CSK: variants seen among roughly 807,000 people sequenced by gnomAD.
CSK encodes tyrosine-protein kinase CSK.
Under a neutral mutation model 62.3 loss-of-function variants are expected in CSK, and 7 were observed. The ratio of observed to expected loss-of-function variants is 0.11; its 90% CI spans 0.06 to 0.21. CSK has a LOEUF of 0.21. Ranked by LOEUF, CSK falls within the 10% of genes least tolerant of loss-of-function variation. The probability of loss-of-function intolerance (pLI) is 1.00; values close to 1 mark genes in which losing one functional copy is unlikely to be tolerated. For missense variants in CSK, 294 were observed against 613.5 expected, an observed-to-expected ratio of 0.48 and a Z score of 5.50; for synonymous variants, 237 against 246.0, an observed-to-expected ratio of 0.96 and a Z score of 0.34.
intron 11 of CSK, 34 bp downstream of exon 11, chr15:74,801,924 G>A (rs1417812940): frequency 1.2e-6 from 2 of 1,609,184 alleles, no homozygotes; most frequent in East Asian, 4.5e-5. Flanking sequence ...CTACAGAGGT[G>A]GGCAGGAGTC....
chr15:74,796,152 A>T (rs1045834542), intron 1 of CSK, among the ~76,000 whole-genome samples: 1 of 152,088 alleles, frequency 6.6e-6, no homozygotes, highest in Admixed American at 6.6e-5. Flanking sequence ...TGGGAGGCGG[A>T]GGTAGTTGCA....
chr15:74,789,849 T>C (rs1031027139), intron 1 of CSK, among the ~76,000 whole-genome samples: 1 of 152,352 alleles, frequency 6.6e-6, no homozygotes, highest in South Asian at 2.1e-4. Context: ...AGGCCATGGC[T>C]GACCATCCAG....
chr15:74,801,030 C>T lies in CSK; in HGVS notation c.741C>T (p.Asn247=). Reference sequence around the variant, plus strand: ...GCCCCAGGCAACTGCGGCATAGCAACCTGGTGCAGCTCCTGGGCGTGATCG... The same window carrying T: ...GCCCCAGGCAACTGCGGCATAGCAATCTGGTGCAGCTCCTGGGCGTGATCG... The part of the protein sequence containing the change: ...ASVMTQLRHS[N]LVQLLGVIVE... The change falls in exon 9 of 13, where the codon AAC becomes AAT. Residue 247 remains asparagine (N), a synonymous_variant. Transcript: ENST00000220003. 6.2e-7 allele frequency: 1 copy of T among 1,613,420 alleles called. No homozygotes were observed. The highest frequency in any genetic ancestry group is 8.5e-7 in the Non-Finnish European group (1 of 1,180,020).
Position 74,798,854 on chromosome 15 carries a change from A to T in CSK, c.158A>T (p.Lys53Met). The change falls in exon 4 of 13, where the codon AAG becomes ATG. Residue 53 changes from lysine to methionine, a missense_variant. Around this residue, in one of 3 missense-constraint regions of CSK, gnomAD observed 202 missense variants for 415.7 expected, o/e 0.49. Coordinates refer to ENST00000220003, the MANE Select transcript of CSK (RefSeq NM_004383.3). This position sits in a 1 kb window ranked among gnomAD's most constrained non-coding sequence, Gnocchi z 6.6. ...KDPNWYKAKN[K>M]VGREGIIPAN... ...CCCAACTGGTACAAAGCCAAAAACA[A>T]GGTGGGCCGTGAGGGCATCATCCCA... The T allele has an allele frequency of 6.3e-7, 1 of 1,584,302 alleles. No homozygotes were observed. The highest frequency in any genetic ancestry group is 1.7e-4 in the Middle Eastern group (1 of 5,890).
At chr15:74,792,963 T>G (rs1381909889) in intron 1 of CSK, 1 of 152,250 alleles carries the variant, frequency 6.6e-6, no homozygotes, top group Admixed American at 6.5e-5. Context: ...GGGTTAACTA[T>G]AGTCCCATTG....
In CSK at chr15:74,796,018, G is replaced by C. The variant is rs372830649; in HGVS notation, c.-65-2215G>C. On this transcript the variant is annotated intron_variant, in intron 1 of 12. Coordinates refer to ENST00000220003, the MANE Select transcript of CSK (RefSeq NM_004383.3). ...GGATCACTTGAGGCCAGGAGTTCAA[G>C]ACCAGCATGGCCAATATGGTGAAAC... 1.3e-3 allele frequency among the ~76,000 whole-genome samples: 202 copies of C among 152,280 alleles called. 1 individual carries two copies. The highest frequency in any genetic ancestry group is 5.6e-3 in the East Asian group (29 of 5,178).
chr15:74,785,703 G>A (rs2063504852), intron 1 of CSK, among the ~76,000 whole-genome samples: 1 of 152,150 alleles, frequency 6.6e-6, no homozygotes, highest in South Asian at 2.1e-4. Flanking sequence ...TCAACCTGTG[G>A]GGAAGGTGCC....
chr15:74,794,260 G>A lies in CSK; in HGVS notation c.-65-3973G>A, dbSNP rs192810040. Among the ~76,000 whole-genome samples the A allele has an allele frequency of 2.5e-3, 45 of 18,056 alleles. 3 individuals are homozygous for A. Among genetic ancestry groups the A allele is most frequent in the South Asian group, 5.7e-3 (2 of 350 alleles). The allele number at this position is 18,056 out of a possible 152,430, so 11.8% of individuals were successfully genotyped here. A position where few individuals can be genotyped will look rare whatever the true frequency, so the allele number is the denominator to read the frequency against. On this transcript the variant is annotated intron_variant, in intron 1 of 12. Transcript: ENST00000220003. Reference sequence around the variant, plus strand: ...CAGGAGGCAGGGGCAAGGGGTCCCCGCCACCCCCACCCCCACAGCTTACAG... The same window carrying A: ...CAGGAGGCAGGGGCAAGGGGTCCCCACCACCCCCACCCCCACAGCTTACAG...
chr15:74,786,853 G>A (rs1051841667), intron 1 of CSK, among the ~76,000 whole-genome samples: 3 of 152,190 alleles, frequency 2.0e-5, no homozygotes, highest in African/African-American at 7.2e-5. Flanking sequence ...CCCATTCAGT[G>A]CAGAGGTCCC....
At chr15:74,795,251 C>G (rs1429507211) in intron 1 of CSK, among the ~76,000 whole-genome samples, 1 of 152,184 alleles carries the variant, frequency 6.6e-6, no homozygotes, top group Admixed American at 6.5e-5. Context: ...CAGTCCGTGC[C>G]TACTTCACAC....
At chr15:74,797,989 A>C in intron 1 of CSK, 1 of 302,582 alleles carries the variant, frequency 3.3e-6, no homozygotes, top group Non-Finnish European at 6.2e-6. Flanking sequence ...GCTCCTTTCT[A>C]TCAGTCCTGG....
chr15:74,786,327 A>G (rs1181439665), intron 1 of CSK, among the ~76,000 whole-genome samples: 2 of 151,908 alleles, frequency 1.3e-5, no homozygotes, highest in African/African-American at 4.8e-5. Flanking sequence ...CTTCTGTAAG[A>G]GCCTGGCTGC....
In CSK at chr15:74,800,829, T is replaced by C. The variant is rs1359726754; in HGVS notation, c.629T>C (p.Met210Thr). The part of the protein sequence containing the change: ...TIGKGEFGDV[M>T]LGDYRGNKVA... ...ACCACCTCTCTGCCCCCAGACGTGA[T>C]GCTGGGCGATTACCGAGGGAACAAA... The change falls in exon 8 of 13, where the codon ATG (methionine) becomes ACG (threonine). Residue 210 changes from methionine (M) to threonine (T), a missense_variant. Transcript: ENST00000220003. The C allele has an allele frequency of 6.2e-7, 1 of 1,612,522 alleles. No homozygotes were observed. The highest frequency in any genetic ancestry group is 1.7e-5 in the Admixed American group (1 of 59,866).
intron 4 of CSK, 159 bp downstream of exon 4, chr15:74,799,097 G>T: frequency 1.1e-6 from 1 of 947,154 alleles, no homozygotes; most frequent in South Asian, 1.7e-5. Flanking sequence ...GAGCAGGGCT[G>T]GGGGCAGAGG....
chr15:74,783,964 T>C (rs2063478329), intron 1 of CSK, among the ~76,000 whole-genome samples: 1 of 152,162 alleles, frequency 6.6e-6, no homozygotes, highest in African/African-American at 2.4e-5. Context: ...CATGGGAGCA[T>C]TGTGAGAGTG....
intron 1 of CSK, among the ~76,000 whole-genome samples, chr15:74,784,704 T>A (rs2063489213): frequency 6.6e-6 from 1 of 152,184 alleles, no homozygotes; most frequent in African/African-American, 2.4e-5. Context: ...AGAATGCAGC[T>A]TCCTCCAAAC....
intron 1 of CSK, among the ~76,000 whole-genome samples, chr15:74,796,937 T>A (rs1290711074): frequency 6.6e-6 from 1 of 152,182 alleles, no homozygotes; most frequent in African/African-American, 2.4e-5. Flanking sequence ...TTTATTTATT[T>A]ATTTATTTAT....
At chr15:74,797,045 G>A (rs565139603) in intron 1 of CSK, among the ~76,000 whole-genome samples, 74 of 152,000 alleles carry the variant, frequency 4.9e-4, no homozygotes, top group Non-Finnish European at 8.4e-4. Flanking sequence ...AGGCTCAAGC[G>A]ATCCTCCCAC....
At chr15:74,796,414 G>A (rs1276432516) in intron 1 of CSK, among the ~76,000 whole-genome samples, 1 of 151,888 alleles carries the variant, frequency 6.6e-6, no homozygotes, top group African/African-American at 2.4e-5. Context: ...AGAAAAGGCA[G>A]GCACACTCAG....
Sources: gnomAD v4.1 joint callset for allele counts (sites outside exome capture counted in the v4.1 genomes callset) on GRCh38, gnomAD v4.1.1 for gene constraint, gnomAD v4.1.1 regional missense constraint, Gnocchi (gnomAD v3.1) non-coding constraint, MANE v1.5 for transcripts, NCBI Gene and HGNC (gene_info 2026-07-23, HGNC 2026-07-21) for gene names.